The following TENM4 variants were observed in gnomAD, a reference collection of about 807,000 sequenced individuals.
TENM4 encodes the protein teneurin transmembrane protein 4.
A neutral mutation model predicts 243.3 loss-of-function variants in TENM4; 82 were observed. The observed-to-expected ratio is 0.34, with a 90% confidence interval of 0.28 to 0.40. The LOEUF is 0.40. Among genes scored for constraint, TENM4 ranks in the 10% least tolerant of loss-of-function variants. The probability of loss-of-function intolerance (pLI) is 1.00; values close to 1 mark genes in which losing one functional copy is unlikely to be tolerated. For missense variants in TENM4, 3,138 were observed against 3,673.3 expected (o/e 0.85, Z 3.77); for synonymous variants, 1,412 against 1,456.3 (o/e 0.97, Z 0.69).
chr11:79,023,668 T>A (rs757454429), intron 6 of TENM4, among the ~76,000 whole-genome samples: 18 of 152,346 alleles, frequency 1.2e-4, no homozygotes, highest in Admixed American at 2.6e-4. Flanking sequence ...GCTTCACTGT[T>A]AATTAATGTG....
intron 4 of TENM4, among the ~76,000 whole-genome samples, chr11:79,147,437 T>A (rs760898175): frequency 6.6e-6 from 1 of 152,064 alleles, no homozygotes; most frequent in Non-Finnish European, 1.5e-5. Flanking sequence ...TATATTTCCA[T>A]AGCAACCCAT....
chr11:78,844,502 T>G lies in TENM4; in HGVS notation c.1681+9602A>C, dbSNP rs533280428. ...ACTAAAAATACAAAAATTAGCTGGT[T>G]GTGGTGGCGTGTGCCTGTAATCCCA... On this transcript the variant is annotated intron_variant, in intron 12 of 33. Transcript: ENST00000278550. Among the ~76,000 whole-genome samples, 41 of 152,128 alleles carry G rather than the reference T, an allele frequency of 2.7e-4. No homozygotes were observed. In the South Asian group the frequency reaches 8.1e-3, roughly 30 times the overall value.
chr11:79,119,886 A>G (rs532788687), intron 4 of TENM4, among the ~76,000 whole-genome samples: 1 of 152,320 alleles, frequency 6.6e-6, no homozygotes, highest in East Asian at 1.9e-4. Flanking sequence ...AAATAGCTCG[A>G]TAACCAGCTC....
chr11:79,097,838 A>ATTT (rs1565202883), intron 4 of TENM4: 67 of 143,320 alleles, frequency 4.7e-4, no homozygotes, highest in Admixed American at 7.3e-4. Context: ...TTTTTTTTTA[A>ATTT]AAAAAAAGAA....
At chr11:78,910,076 C>T (rs893660613) in intron 6 of TENM4, among the ~76,000 whole-genome samples, 4 of 152,170 alleles carry the variant, frequency 2.6e-5, no homozygotes, top group East Asian at 1.9e-4. Context: ...TGAGAAAAAG[C>T]CATAAACTTC....
intron 12 of TENM4, among the ~76,000 whole-genome samples, chr11:78,839,001 T>A (rs1048957282): frequency 2.6e-5 from 4 of 152,268 alleles, no homozygotes; most frequent in African/African-American, 9.6e-5. Flanking sequence ...TTTCAAATAA[T>A]AAATTTTTAC....
At chr11:79,431,350 T>C (rs1859165434) in intron 1 of TENM4, among the ~76,000 whole-genome samples, 1 of 152,208 alleles carries the variant, frequency 6.6e-6, no homozygotes, top group Admixed American at 6.5e-5. Flanking sequence ...ACATTTTACT[T>C]ATTCCACCCA....
chr11:79,267,923 C>G (rs1357699503), intron 2 of TENM4, among the ~76,000 whole-genome samples: 1 of 152,208 alleles, frequency 6.6e-6, no homozygotes, highest in Non-Finnish European at 1.5e-5. Context: ...CCAAAACAAT[C>G]TAACATCCTG....
At chr11:79,197,217 T>G (rs1192933710) in intron 3 of TENM4, among the ~76,000 whole-genome samples, 1 of 145,154 alleles carries the variant, frequency 6.9e-6, no homozygotes, top group Non-Finnish European at 1.6e-5. Flanking sequence ...GGGGATTGTT[T>G]CTTCAAGTGG....
intron 6 of TENM4, among the ~76,000 whole-genome samples, chr11:78,976,767 C>T (rs1857666246): frequency 6.6e-6 from 1 of 152,188 alleles, no homozygotes; most frequent in African/African-American, 2.4e-5. Context: ...ACCCTTCAGG[C>T]AGCTTTAGGT....
At chr11:79,255,296 G>GTGTGTGAAAT (rs1855681237) in intron 2 of TENM4, among the ~76,000 whole-genome samples, 1 of 152,246 alleles carries the variant, frequency 6.6e-6, no homozygotes, top group Non-Finnish European at 1.5e-5. Flanking sequence ...AGAAGGACCT[G>GTGTGTGAAAT]TGTGTGAAAT....
intron 6 of TENM4, among the ~76,000 whole-genome samples, chr11:78,975,271 C>G (rs1322258108): frequency 6.6e-6 from 1 of 151,948 alleles, no homozygotes; most frequent in African/African-American, 2.4e-5. Flanking sequence ...TAACCTTGCC[C>G]ACGCGCTGCC....
intron 2 of TENM4, among the ~76,000 whole-genome samples, chr11:79,285,643 G>A (rs1856236551): frequency 6.6e-6 from 1 of 151,546 alleles, no homozygotes; most frequent in Non-Finnish European, 1.5e-5. Flanking sequence ...ACAAAATGTG[G>A]TATGTGTGTG....
intron 29 of TENM4, among the ~76,000 whole-genome samples, chr11:78,683,556 A>AC (rs1858574940): frequency 8.0e-6 from 1 of 124,470 alleles, no homozygotes; most frequent in South Asian, 2.7e-4. Flanking sequence ...TGCGTCCGTC[A>AC]CCCCTTTCTT....
intron 25 of TENM4, among the ~76,000 whole-genome samples, chr11:78,716,114 C>T (rs565682938): frequency 6.6e-6 from 1 of 152,292 alleles, no homozygotes; most frequent in South Asian, 2.1e-4. Context: ...AGTGACTTGA[C>T]TGGGACCACA....
intron 6 of TENM4, among the ~76,000 whole-genome samples, chr11:79,009,556 T>A (rs1371798614): frequency 6.6e-6 from 1 of 152,218 alleles, no homozygotes; most frequent in Non-Finnish European, 1.5e-5. Context: ...ATTCAGGTTC[T>A]TTAATTCTAC....
At chr11:78,785,254 G>A (rs955686737) in intron 16 of TENM4, among the ~76,000 whole-genome samples, 12 of 152,116 alleles carry the variant, frequency 7.9e-5, no homozygotes, top group African/African-American at 2.7e-4. Flanking sequence ...GGATGACACC[G>A]ATATAAAGAA....
intron 12 of TENM4, among the ~76,000 whole-genome samples, chr11:78,847,946 A>C (rs981823543): frequency 2.0e-5 from 3 of 152,220 alleles, no homozygotes; most frequent in Non-Finnish European, 4.4e-5. Context: ...AAGTAGGAGA[A>C]ATAAAGAAAT....
At position 78,658,742 on chromosome 11, in the gene TENM4, G is replaced by C; in HGVS notation, c.7626C>G (p.Leu2542=). 6.2e-7 allele frequency: 1 copy of C among 1,614,026 alleles called. No individual in the cohort carries two copies. The highest frequency in any genetic ancestry group is 1.1e-5 in the South Asian group (1 of 91,078). Residue 2542 remains leucine (L), a synonymous_variant, in exon 34 of 34, where the codon CTC becomes CTG. Transcript: ENST00000278550. ...GGCAGCTGGTGATTGTGGAGCCATA[G>C]AGCTGGTCAAACCGTTCTAAGGTGA... ...AFVTLERFDQ[L]YGSTITSCQQ...
Sources: gnomAD v4.1 joint callset for allele counts (sites outside exome capture counted in the v4.1 genomes callset) on GRCh38, gnomAD v4.1.1 for gene constraint, MANE v1.5 for transcripts, NCBI Gene and HGNC (gene_info 2026-07-23, HGNC 2026-07-21) for gene names.